The following PLSCR4 variants were observed in gnomAD, a reference collection of about 807,000 sequenced individuals.
PLSCR4 encodes the protein phospholipid scramblase 4, also known as Ca(2+)-dependent phospholipid scramblase 4.
PLSCR4 carries 25 observed loss-of-function variants against 36.3 expected under a neutral mutation model. The observed-to-expected ratio is 0.69, with a 90% CI of 0.50 to 0.96. The LOEUF is 0.96. Ranked by LOEUF, PLSCR4 falls within the 40% of genes least tolerant of loss-of-function variation. PLSCR4 has a pLI of 0.00. For synonymous variants in PLSCR4, 122 were observed against 132.9 expected (o/e 0.92, Z 0.56); for missense variants, 408 against 414.7 (o/e 0.98, Z 0.14).
intron 3 of PLSCR4, among the ~76,000 whole-genome samples, chr3:146,215,759 C>G (rs986283940): frequency 6.6e-6 from 1 of 152,152 alleles, no homozygotes; most frequent in Non-Finnish European, 1.5e-5. Context: ...AAGGCTAGAA[C>G]AGTAGAAGCC....
chr3:146,204,128 T>C (rs997676361), intron 4 of PLSCR4, among the ~76,000 whole-genome samples: 1 of 152,020 alleles, frequency 6.6e-6, no homozygotes, highest in Admixed American at 6.6e-5. Context: ...TATGTGTCTG[T>C]TAAGGGGTAG....
chr3:146,192,718 T>G lies in PLSCR4; in HGVS notation c.*1693A>C, dbSNP rs1188715292. On this transcript the variant is annotated 3_prime_UTR_variant, in exon 9 of 9. Transcript: ENST00000354952. ...GTTTGTCTGATTTCCTATTTAAATA[T>G]CAGACATCATTATAGGAAATACATA... The G allele has an allele frequency of 1.3e-5, 2 of 151,946 alleles. No individual in the cohort carries two copies. The highest frequency in any genetic ancestry group is 4.8e-5 in the African/African-American group (2 of 41,416). The allele number at this position is 151,946 out of a possible 1,614,324, so 9.4% of individuals were successfully genotyped here.
chr3:146,243,625 G>A (rs1512080), intron 1 of PLSCR4, among the ~76,000 whole-genome samples: 98,569 of 152,008 alleles, frequency 0.65, 35,303 homozygotes, highest in Non-Finnish European at 0.8. Context: ...AGTGCCTATA[G>A]ATGACATGGT....
chr3:146,234,767 G>A (rs1168706335), intron 1 of PLSCR4, among the ~76,000 whole-genome samples: 1 of 152,154 alleles, frequency 6.6e-6, no homozygotes, highest in Non-Finnish European at 1.5e-5. Flanking sequence ...TAATCCAGGA[G>A]AAATGAATGC....
chr3:146,242,045 A>C (rs1315828585), intron 1 of PLSCR4, among the ~76,000 whole-genome samples: 3 of 152,202 alleles, frequency 2.0e-5, no homozygotes, highest in Non-Finnish European at 4.4e-5. Context: ...AGCTTCAGCC[A>C]ATCACGGGCT....
chr3:146,227,198 C>T (rs2035515175), intron 1 of PLSCR4, among the ~76,000 whole-genome samples: 1 of 152,152 alleles, frequency 6.6e-6, no homozygotes, highest in African/African-American at 2.4e-5. Context: ...GACTGGAAAA[C>T]TGAGCTGTGT....
intron 1 of PLSCR4, among the ~76,000 whole-genome samples, chr3:146,232,844 T>A (rs988698169): frequency 1.3e-5 from 2 of 152,154 alleles, no homozygotes; most frequent in Non-Finnish European, 2.9e-5. Context: ...CTGCATATAG[T>A]AGGTACCCAA....
rs1417639820 is a variant in PLSCR4, at chr3:146,195,386, T to A, written c.787-104A>T. The A allele has an allele frequency of 1.6e-5, 14 of 890,592 alleles. 1 individual carries two copies. Among genetic ancestry groups the A allele is most frequent in the Non-Finnish European group, 2.4e-5 (14 of 574,688 alleles). 55.2% of individuals were successfully genotyped at this position (890,592 alleles called of 1,614,324 possible). ...ACATAAATACAATGCAGAAAAAGAC[T>A]ATGTAATTATATAATTTGAAATGAG... On this transcript the variant is annotated intron_variant, in intron 7 of 8. Transcript: ENST00000354952.
At chr3:146,215,997 G>A (rs34773907) in intron 3 of PLSCR4, among the ~76,000 whole-genome samples, 49,558 of 152,032 alleles carry the variant, frequency 0.33, 8,722 homozygotes, top group South Asian at 0.45. Flanking sequence ...TTAGGAGGCC[G>A]AGGTGAGTGG....
chr3:146,236,946 C>T (rs1391005103), intron 1 of PLSCR4, among the ~76,000 whole-genome samples: 1 of 151,808 alleles, frequency 6.6e-6, no homozygotes, highest in African/African-American at 2.4e-5. Flanking sequence ...AGTAGTAAAA[C>T]ATCTGATATA....
intron 2 of PLSCR4, among the ~76,000 whole-genome samples, 174 bp downstream of exon 2, chr3:146,221,891 T>C (rs992697420): frequency 1.3e-5 from 2 of 152,088 alleles, no homozygotes; most frequent in South Asian, 2.1e-4. Flanking sequence ...GGAATGTCTA[T>C]ATACATAAAT....
At chr3:146,230,892 G>A (rs1455970733) in intron 1 of PLSCR4, among the ~76,000 whole-genome samples, 1 of 152,066 alleles carries the variant, frequency 6.6e-6, no homozygotes, top group African/African-American at 2.4e-5. Flanking sequence ...TAGGTTCAGG[G>A]TGAACAAGTG....
chr3:146,225,733 G>C (rs2035440285), intron 1 of PLSCR4, among the ~76,000 whole-genome samples: 1 of 152,158 alleles, frequency 6.6e-6, no homozygotes. Context: ...CGAGTGTGGG[G>C]CCCGCCAAGC....
intron 1 of PLSCR4, among the ~76,000 whole-genome samples, chr3:146,233,086 TA>T (rs1400362295): frequency 6.6e-6 from 1 of 152,148 alleles, no homozygotes; most frequent in African/African-American, 2.4e-5. Flanking sequence ...TTCAATTCTT[TA>T]AAAGCTTTTT....
intron 3 of PLSCR4, among the ~76,000 whole-genome samples, chr3:146,214,679 ACTGTAG>A (rs970403326): frequency 6.6e-6 from 1 of 152,040 alleles, no homozygotes; most frequent in Non-Finnish European, 1.5e-5. Context: ...TAACCACAAT[ACTGTAG>A]AATGCCATAT....
intron 3 of PLSCR4, among the ~76,000 whole-genome samples, chr3:146,215,928 C>T (rs545502955): frequency 4.6e-5 from 7 of 152,264 alleles, no homozygotes; most frequent in African/African-American, 1.7e-4. Context: ...TTGACATCTC[C>T]TGAAAAATGC....
At chr3:146,195,339 A>T in intron 7 of PLSCR4, 57 bp from the exon 8 acceptor site, 1 of 1,340,606 alleles carries the variant, frequency 7.5e-7, no homozygotes, top group Non-Finnish European at 1.1e-6. Context: ...GCATGTTTTA[A>T]TGTTCTGCTT....
intron 1 of PLSCR4, among the ~76,000 whole-genome samples, chr3:146,225,735 C>CCG (rs2035441015): frequency 6.6e-6 from 1 of 152,178 alleles, no homozygotes; most frequent in Non-Finnish European, 1.5e-5. Flanking sequence ...AGTGTGGGGC[C>CCG]CGCCAAGCCG....
intron 3 of PLSCR4, among the ~76,000 whole-genome samples, chr3:146,215,598 T>C (rs1289695342): frequency 5.3e-5 from 8 of 152,202 alleles, no homozygotes. Context: ...TTCTGAAAAT[T>C]ACTGCTTTTC....
Sources: gnomAD v4.1 joint callset for allele counts (sites outside exome capture counted in the v4.1 genomes callset) on GRCh38, gnomAD v4.1.1 for gene constraint, MANE v1.5 for transcripts, NCBI Gene and HGNC (gene_info 2026-07-23, HGNC 2026-07-21) for gene names.